Variants in NRG1 observed in about 807,000 individuals in gnomAD.
The protein encoded by NRG1 is neuregulin 1.
In NRG1, 18 loss-of-function variants were observed where a neutral mutation model predicts 63.8. The ratio of observed to expected loss-of-function variants is 0.28; its 90% CI spans 0.19 to 0.42. NRG1 has a LOEUF of 0.42. Ranked by LOEUF, NRG1 falls within the 10% of genes least tolerant of loss-of-function variation. The pLI, the probability that NRG1 is intolerant of heterozygous loss-of-function variation, is 1.00. For synonymous variants in NRG1, 302 were observed against 301.3 expected, an observed-to-expected ratio of 1.00 and a Z score of -0.02; for missense variants, 762 against 814.7, an observed-to-expected ratio of 0.94 and a Z score of 0.79.
At chr8:32,549,374 G>A (rs1042224359) in intron 1 of NRG1, among the ~76,000 whole-genome samples, 5 of 152,208 alleles carry the variant, frequency 3.3e-5, no homozygotes, top group Non-Finnish European at 5.9e-5. Context: ...GCGATGTAGA[G>A]TGCGCGCCGG....
Position 32,031,437 on chromosome 8 carries a change from A to G in NRG1, c.37+392006A>G, listed in dbSNP as rs571472661. Reference sequence around the variant, plus strand: ...CAGCTCGCTGCACGTGACTGGTGCCATCTGCCCTCCCCGCACGGGCAGCTG... The same window carrying G: ...CAGCTCGCTGCACGTGACTGGTGCCGTCTGCCCTCCCCGCACGGGCAGCTG... On this transcript the variant is annotated intron_variant, in intron 1 of 10. Transcript: ENST00000519301. 2.6e-5 allele frequency among the ~76,000 whole-genome samples: 4 copies of G among 152,204 alleles called. No homozygotes were observed. In the South Asian group the frequency reaches 8.3e-4, roughly 32 times the overall value.
chr8:31,916,130 T>G (rs1833360504), intron 1 of NRG1, among the ~76,000 whole-genome samples: 1 of 152,180 alleles, frequency 6.6e-6, no homozygotes, highest in African/African-American at 2.4e-5. Flanking sequence ...CTAGAACAGT[T>G]TGGCTACATT....
At chr8:32,191,932 A>T (rs1842530375) in intron 1 of NRG1, 1 of 152,330 alleles carries the variant, frequency 6.6e-6, no homozygotes, top group Admixed American at 6.5e-5. Context: ...AGAGTCATTG[A>T]TAGCCACACT....
intron 1 of NRG1, among the ~76,000 whole-genome samples, chr8:32,408,051 C>A (rs1008350290): frequency 6.6e-6 from 1 of 152,162 alleles, no homozygotes. Context: ...TCAGTGAGTG[C>A]TCCCTGGGCT....
At chr8:31,902,500 T>C (rs1023071296) in intron 1 of NRG1, among the ~76,000 whole-genome samples, 3 of 152,148 alleles carry the variant, frequency 2.0e-5, no homozygotes, top group Non-Finnish European at 4.4e-5. Context: ...GTAAAAATAT[T>C]TAGGTGAAAA....
At chr8:31,906,837 G>GAAATGGACA (rs1481085760) in intron 1 of NRG1, among the ~76,000 whole-genome samples, 2 of 151,922 alleles carry the variant, frequency 1.3e-5, no homozygotes, top group African/African-American at 4.8e-5. Context: ...TTTGTCAAGT[G>GAAATGGACA]AAATGGACAC....
chr8:32,719,413 C>T (rs1820073380), intron 5 of NRG1, among the ~76,000 whole-genome samples: 1 of 152,024 alleles, frequency 6.6e-6, no homozygotes, highest in Non-Finnish European at 1.5e-5. Context: ...CATTTCCCTT[C>T]TCTCTTACTA....
chr8:32,393,109 C>A (rs1442181669), intron 1 of NRG1, among the ~76,000 whole-genome samples: 1 of 152,122 alleles, frequency 6.6e-6, no homozygotes, highest in African/African-American at 2.4e-5. Context: ...TTAAAAACAA[C>A]AACAACAACA....
At chr8:32,539,459 C>G (rs1421954383) in intron 1 of NRG1, among the ~76,000 whole-genome samples, 1 of 152,036 alleles carries the variant, frequency 6.6e-6, no homozygotes, top group Non-Finnish European at 1.5e-5. Context: ...ATTGGGGGCA[C>G]CAGGTGGCTG....
chr8:31,915,459 T>C (rs1833302583), intron 1 of NRG1, among the ~76,000 whole-genome samples: 1 of 152,190 alleles, frequency 6.6e-6, no homozygotes, highest in African/African-American at 2.4e-5. Context: ...CCACTAGCTC[T>C]GTCAGCTTAC....
chr8:32,276,892 C>A (rs1563261015), intron 1 of NRG1, among the ~76,000 whole-genome samples: 1 of 152,150 alleles, frequency 6.6e-6, no homozygotes, highest in Admixed American at 6.5e-5. Flanking sequence ...GCAGGTGGGA[C>A]AGCCACAACG....
intron 7 of NRG1, chr8:32,749,526 T>C (rs774950932): frequency 1.9e-6 from 3 of 1,612,768 alleles, no homozygotes; most frequent in Non-Finnish European, 2.5e-6. Context: ...TTTTTCCCTT[T>C]CTTTCTTTTT....
At chr8:32,170,575 T>A (rs570380338) in intron 1 of NRG1, among the ~76,000 whole-genome samples, 1 of 152,238 alleles carries the variant, frequency 6.6e-6, no homozygotes, top group Non-Finnish European at 1.5e-5. Flanking sequence ...AAACTGACCC[T>A]AAAATTCTTT....
At chr8:32,008,919 A>G (rs746014533) in intron 1 of NRG1, among the ~76,000 whole-genome samples, 36 of 152,002 alleles carry the variant, frequency 2.4e-4, no homozygotes, top group Non-Finnish European at 5.2e-4. Context: ...CACATCACTC[A>G]TCTCTCCTTC....
chr8:32,065,613 C>G (rs1464162062), intron 1 of NRG1, among the ~76,000 whole-genome samples: 2 of 152,148 alleles, frequency 1.3e-5, no homozygotes, highest in South Asian at 2.1e-4. Context: ...GGTTCCAAGT[C>G]TTTGCTATTG....
At chr8:32,532,711 A>T (rs1258128391) in intron 1 of NRG1, among the ~76,000 whole-genome samples, 2 of 152,070 alleles carry the variant, frequency 1.3e-5, no homozygotes, top group African/African-American at 4.8e-5. Flanking sequence ...ATGTATTAAT[A>T]GAGATTTCAT....
intron 1 of NRG1, among the ~76,000 whole-genome samples, chr8:32,525,161 G>A (rs1179979041): frequency 6.6e-6 from 1 of 152,152 alleles, no homozygotes; most frequent in Non-Finnish European, 1.5e-5. Flanking sequence ...CCCTCTCCTT[G>A]TGAAAGGTAG....
chr8:31,962,556 A>G (rs1335530395), intron 1 of NRG1, among the ~76,000 whole-genome samples: 1 of 152,178 alleles, frequency 6.6e-6, no homozygotes, highest in African/African-American at 2.4e-5. Flanking sequence ...ATGGAATAAA[A>G]TGACCTATAT....
intron 1 of NRG1, among the ~76,000 whole-genome samples, chr8:32,466,708 G>A (rs2129489870): frequency 6.6e-6 from 1 of 152,174 alleles, no homozygotes. Context: ...TGGGATAGTT[G>A]AAATTTGAAG....
Sources: gnomAD v4.1 joint callset for allele counts (sites outside exome capture counted in the v4.1 genomes callset) on GRCh38, gnomAD v4.1.1 for gene constraint, MANE v1.5 for transcripts, NCBI Gene and HGNC (gene_info 2026-07-23, HGNC 2026-07-21) for gene names.